Variants in UNC13C observed in about 807,000 individuals in gnomAD.
UNC13C encodes protein unc-13 homolog C.
A neutral mutation model predicts 245.4 loss-of-function variants in UNC13C; 174 were observed. That is an observed-to-expected ratio of 0.71 (90% CI 0.63 to 0.80). The LOEUF is 0.80. UNC13C is among the 30% of genes least tolerant of loss of function. UNC13C has a pLI of 0.00. For synonymous variants in UNC13C, 992 were observed against 895.1 expected (o/e 1.11, Z -1.93); for missense variants, 2,829 against 2,602.9 (o/e 1.09, Z -1.89).
chr15:54,518,141 GAAT>G (rs1380816073), intron 24 of UNC13C, among the ~76,000 whole-genome samples: 1 of 152,134 alleles, frequency 6.6e-6, no homozygotes, highest in Non-Finnish European at 1.5e-5. Flanking sequence ...AAAATTAAGA[GAAT>G]AATAAGGGCC....
intron 29 of UNC13C, among the ~76,000 whole-genome samples, chr15:54,556,544 G>C (rs1294519559): frequency 6.6e-6 from 1 of 151,878 alleles, no homozygotes; most frequent in Non-Finnish European, 1.5e-5. Flanking sequence ...CAGAAATGGA[G>C]TTTCTAAAGA....
chr15:54,183,327 C>T (rs539692405), intron 4 of UNC13C, among the ~76,000 whole-genome samples: 1 of 151,050 alleles, frequency 6.6e-6, no homozygotes, highest in East Asian at 1.9e-4. Context: ...GGCACAATAA[C>T]TACTACAGGG....
At chr15:53,860,177 C>T in the UNC13C span, among the ~76,000 whole-genome samples, 1 of 152,114 alleles carries the variant, frequency 6.6e-6, no homozygotes, top group Non-Finnish European at 1.5e-5. Flanking sequence ...TTGTCTTAAG[C>T]TTTCAATATG....
chr15:54,272,882 T>G (rs921237745), intron 10 of UNC13C, among the ~76,000 whole-genome samples: 1 of 152,212 alleles, frequency 6.6e-6, no homozygotes, highest in African/African-American at 2.4e-5. Flanking sequence ...CCAAAGAGAA[T>G]TAATTCACAG....
upstream of UNC13C, among the ~76,000 whole-genome samples, chr15:53,977,123 C>T (rs1893734635): frequency 6.6e-6 from 1 of 152,154 alleles, no homozygotes; most frequent in African/African-American, 2.4e-5. Flanking sequence ...AGCAGCTGCT[C>T]AGGTCCATTA....
At chr15:54,482,293 GCT>G (rs1348405208) in intron 19 of UNC13C, among the ~76,000 whole-genome samples, 1 of 152,084 alleles carries the variant, frequency 6.6e-6, no homozygotes, top group East Asian at 1.9e-4. Flanking sequence ...TGAGGCCTGG[GCT>G]CTCAAAATAG....
chr15:54,050,457 T>C (rs1897229898), intron 2 of UNC13C: 1 of 552,948 alleles, frequency 1.8e-6, no homozygotes, highest in Admixed American at 1.9e-5. Context: ...GAGCTAAAGT[T>C]GATCTAAGCA....
chr15:54,038,121 TA>T (rs375252224), intron 2 of UNC13C, among the ~76,000 whole-genome samples: 1,526 of 44,548 alleles, frequency 0.034, 56 homozygotes, highest in South Asian at 0.15. Flanking sequence ...TATATATATA[TA>T]TATTTTTTTT....
At chr15:53,848,621 T>C in the UNC13C span, among the ~76,000 whole-genome samples, 1 of 152,178 alleles carries the variant, frequency 6.6e-6, no homozygotes, top group Non-Finnish European at 1.5e-5. Flanking sequence ...GTGTTCTCTG[T>C]GTCAATTAGG....
intron 30 of UNC13C, among the ~76,000 whole-genome samples, chr15:54,615,806 C>A (rs1900394800): frequency 6.6e-6 from 1 of 151,978 alleles, no homozygotes; most frequent in Admixed American, 6.6e-5. Flanking sequence ...TCTTGTTTGA[C>A]AATCTAACCA....
chr15:54,446,286 G>GTTGTT (rs1890809807), intron 19 of UNC13C, among the ~76,000 whole-genome samples: 1 of 150,960 alleles, frequency 6.6e-6, no homozygotes, highest in African/African-American at 2.4e-5. Flanking sequence ...TCTCTTTTTT[G>GTTGTT]GTTCCATACG....
At chr15:54,229,511 GAATA>G (rs1463174847) in intron 4 of UNC13C, among the ~76,000 whole-genome samples, 1 of 151,864 alleles carries the variant, frequency 6.6e-6, no homozygotes, top group African/African-American at 2.4e-5. Flanking sequence ...TAAATGATTG[GAATA>G]ATTGTACGTA....
intron 1 of UNC13C, among the ~76,000 whole-genome samples, chr15:53,994,808 G>A (rs1566937116): frequency 6.6e-6 from 1 of 152,040 alleles, no homozygotes; most frequent in East Asian, 1.9e-4. Context: ...ATATAAAAAT[G>A]TTTAATATTT....
At chr15:54,455,201 C>CTA (rs1567288990) in intron 19 of UNC13C, among the ~76,000 whole-genome samples, 10 of 33,286 alleles carry the variant, frequency 3.0e-4, no homozygotes, top group East Asian at 2.6e-3. Context: ...CTCTCTCTCT[C>CTA]TCTCTATATA....
At chr15:54,322,569 G>A (rs993286482) in intron 14 of UNC13C, among the ~76,000 whole-genome samples, 1 of 151,936 alleles carries the variant, frequency 6.6e-6, no homozygotes, top group South Asian at 2.1e-4. Flanking sequence ...TGTTTAAGGA[G>A]CCTACAAAAA....
intron 13 of UNC13C, chr15:54,321,146 CT>C: frequency 1.9e-6 from 1 of 517,620 alleles, no homozygotes. Flanking sequence ...TCTGACAGGG[CT>C]TTTCTTACTT....
intron 7 of UNC13C, among the ~76,000 whole-genome samples, chr15:54,243,821 T>C (rs983231869): frequency 2.0e-5 from 3 of 151,644 alleles, no homozygotes; most frequent in African/African-American, 7.3e-5. Context: ...TTTAATGAGA[T>C]TGTTTATTTT....
chr15:54,357,705 C>A (rs1056595174), intron 17 of UNC13C, among the ~76,000 whole-genome samples: 9 of 151,996 alleles, frequency 5.9e-5, no homozygotes, highest in African/African-American at 2.2e-4. Context: ...GAGATAATTA[C>A]TGAGAAATCC....
intron 19 of UNC13C, among the ~76,000 whole-genome samples, chr15:54,431,672 C>T (rs1466156356): frequency 6.6e-6 from 1 of 151,652 alleles, no homozygotes; most frequent in Non-Finnish European, 1.5e-5. Context: ...CTTCACATTA[C>T]TTTCTTTGGT....
Sources: allele counts gnomAD v4.1 joint callset (sites outside exome capture counted in the v4.1 genomes callset), GRCh38; gene constraint gnomAD v4.1.1; transcripts MANE v1.5; gene names NCBI Gene and HGNC (gene_info 2026-07-23, HGNC 2026-07-21).